ASAP3: variants seen among roughly 807,000 people sequenced by gnomAD.
ASAP3 encodes the protein arf-GAP with SH3 domain, ANK repeat and PH domain-containing protein 3.
ASAP3 carries 85 observed loss-of-function variants against 118.2 expected under a neutral mutation model. The ratio of observed to expected loss-of-function variants is 0.72; its 90% CI spans 0.60 to 0.86. ASAP3 has a LOEUF of 0.86. ASAP3 is among the 40% of genes least tolerant of loss of function. ASAP3 has a pLI of 0.00. For synonymous variants in ASAP3, 432 were observed against 477.4 expected (o/e 0.90, Z 1.24); for missense variants, 1,026 against 1,175.0 (o/e 0.87, Z 1.85).
At position 23,436,932 on chromosome 1, in the gene ASAP3, C is replaced by CAGGT; in HGVS notation, c.1451_1454dup (p.Leu486ProfsTer20). 6.2e-7 allele frequency: 1 copy of CAGGT among 1,612,164 alleles called. No individual in the cohort carries two copies. The highest frequency in any genetic ancestry group is 8.5e-7 in the Non-Finnish European group (1 of 1,179,744). ...TCACCAACAACTCGGAGGGGCCCAG[C>CAGGT]AGGTCCAAGGTGAGTGACTGCATGC... is the stretch of plus-strand genomic sequence containing the variant. On this transcript the variant is annotated frameshift_variant, in exon 15 of 25. Coordinates refer to ENST00000336689, the MANE Select transcript of ASAP3 (RefSeq NM_017707.4). LOFTEE classifies it high-confidence loss of function. The surrounding 1 kb of genome is among the most constrained non-coding windows in gnomAD (Gnocchi z 4.2).
In ASAP3 at chr1:23,436,729, C is replaced by G; in HGVS notation, c.1477-75G>C. ...AGCCTGCATAGGGTGGAGCTCCAAG[C>G]CCCCAGAGTCCCGCCCCTCGGCCGC... On this transcript the variant is annotated intron_variant, in intron 15 of 24. Transcript: ENST00000336689. This position sits in a 1 kb window ranked among gnomAD's most constrained non-coding sequence, Gnocchi z 4.2. 1.3e-6 allele frequency: 2 copies of G among 1,582,374 alleles called. No individual in the cohort carries two copies. Among genetic ancestry groups the G allele is most frequent in the Non-Finnish European group, 1.7e-6 (2 of 1,154,948 alleles).
In ASAP3 at chr1:23,431,040, C is replaced by G; in HGVS notation, c.2632G>C (p.Val878Leu). 6.3e-7 allele frequency: 1 copy of G among 1,581,434 alleles called. No individual in the cohort carries two copies. The highest frequency in any genetic ancestry group is 8.6e-7 in the Non-Finnish European group (1 of 1,165,444). The change falls in exon 24 of 25, where the codon GTG becomes CTG. Residue 878 changes from valine (V) to leucine (L), a missense_variant. Coordinates refer to ENST00000336689, the MANE Select transcript of ASAP3 (RefSeq NM_017707.4). ...CATGGTCCCAGAGTTCCTACCGGCACGTTCCTTCTGGGCAGAGGCTGCCTG... is the reference window on the plus strand; with the variant it reads ...CATGGTCCCAGAGTTCCTACCGGCAGGTTCCTTCTGGGCAGAGGCTGCCTG... ...SARQPLPRRN[V>L]PVGITEGDGS... is the part of the protein sequence containing the mutation.
intron 4 of ASAP3, 37 bp downstream of exon 4, chr1:23,452,660 A>T: frequency 2.5e-6 from 4 of 1,579,944 alleles, no homozygotes; most frequent in South Asian, 1.1e-5. Flanking sequence ...CCCCTCTTTT[A>T]CTCTGTCCCA....
intron 1 of ASAP3, among the ~76,000 whole-genome samples, chr1:23,460,042 A>C (rs1196722741): frequency 6.6e-6 from 1 of 152,238 alleles, no homozygotes; most frequent in Non-Finnish European, 1.5e-5. Flanking sequence ...CTTACAAAGA[A>C]GGGAGATAAC....
chr1:23,460,447 C>CTAT (rs1641545567), intron 1 of ASAP3, among the ~76,000 whole-genome samples: 1 of 142,766 alleles, frequency 7.0e-6, no homozygotes, highest in Non-Finnish European at 1.5e-5. Flanking sequence ...GCGGAGGTTG[C>CTAT]AGTGAGCTGA....
At chr1:23,470,172 C>T (rs762373889) in intron 1 of ASAP3, among the ~76,000 whole-genome samples, 6 of 152,142 alleles carry the variant, frequency 3.9e-5, no homozygotes, top group Non-Finnish European at 8.8e-5. Context: ...CTCATCTGTC[C>T]AATTTTGAGC....
rs202046272 is a variant in ASAP3, at chr1:23,455,302, C to T, written c.348+579G>A. 1.1e-4 allele frequency among the ~76,000 whole-genome samples: 16 copies of T among 152,306 alleles called. No homozygotes were observed. In the East Asian group the frequency reaches 3.1e-3, roughly 29 times the overall value. ...CTGCACATGGGAAGAGCTGCTGTCA[C>T]AGGGTGGCCTTGAGGAAAGGACTTG... On this transcript the variant is annotated intron_variant, in intron 3 of 24. Transcript: ENST00000336689.
At chr1:23,469,611 A>G (rs374557710) in intron 1 of ASAP3, among the ~76,000 whole-genome samples, 1 of 152,204 alleles carries the variant, frequency 6.6e-6, no homozygotes, top group Non-Finnish European at 1.5e-5. Flanking sequence ...AAGGACTCCC[A>G]TTCCAAGCTC....
chr1:23,431,885 G>A lies in ASAP3; in HGVS notation c.2357C>T (p.Ala786Val), dbSNP rs1219616113. The A allele has an allele frequency of 3.0e-5, 48 of 1,609,346 alleles. No individual in the cohort carries two copies. The Admixed American group carries it at 8.0e-4, about 27-fold the overall frequency. Residue 786 changes from alanine to valine, a missense_variant, in exon 23 of 25, where the codon GCC (alanine) becomes GTC (valine). Physicochemically the swap from Ala to Val is moderately conservative, Grantham distance 64 (BLOSUM62 0). Coordinates refer to ENST00000336689, the MANE Select transcript of ASAP3 (RefSeq NM_017707.4). ...GCCCAGGCTCTCAGGGGTCTCAGGG[G>A]CCTCTGAACTCAGGCTGGAGACTTC... ...RSEVSSLSSEAPETPESLGSP... is the reference protein window; with the variant it reads ...RSEVSSLSSEVPETPESLGSP...
chr1:23,433,017 A>G (rs1640493870), intron 22 of ASAP3, 60 bp downstream of exon 22: 3 of 1,594,570 alleles, frequency 1.9e-6, no homozygotes, highest in Non-Finnish European at 2.6e-6. Context: ...TCAGTGCCCC[A>G]GCATATACAG....
chr1:23,431,643 G>A, intron 23 of ASAP3, 53 bp downstream of exon 23: 1 of 1,462,502 alleles, frequency 6.8e-7, no homozygotes, highest in Non-Finnish European at 9.2e-7. Flanking sequence ...ATCAATGGAT[G>A]CTCAGAGAAG....
In ASAP3 at chr1:23,441,164, C is replaced by A; in HGVS notation, c.882G>T (p.Gln294His). The stretch of plus-strand genomic sequence containing the variant: ...TCCCAAACTGCTTGTTGCCTTGGTG[C>A]TGGTGGATGCTATAGCCACATCCTG... ...KNSGCGYSIH[Q>H]HQGNKQFGTE... Residue 294 changes from glutamine to histidine, a missense_variant, in exon 10 of 25, where the codon CAG becomes CAT. Coordinates refer to ENST00000336689, the MANE Select transcript of ASAP3 (RefSeq NM_017707.4). The A allele has an allele frequency of 6.2e-7, 1 of 1,614,224 alleles. No individual in the cohort carries two copies.
At chr1:23,450,574 T>A (rs1162640734) in intron 5 of ASAP3, among the ~76,000 whole-genome samples, 1 of 151,756 alleles carries the variant, frequency 6.6e-6, no homozygotes, top group Non-Finnish European at 1.5e-5. Context: ...CTTTTTTTTT[T>A]AATGATGAAA....
intron 1 of ASAP3, among the ~76,000 whole-genome samples, chr1:23,456,830 C>T (rs530679076): frequency 9.2e-5 from 14 of 152,238 alleles, no homozygotes; most frequent in Admixed American, 2.6e-4. Flanking sequence ...TTACCTGAGT[C>T]TGGGGAGATG....
intron 1 of ASAP3, among the ~76,000 whole-genome samples, chr1:23,469,737 T>C (rs72867729): frequency 0.016 from 2,392 of 152,306 alleles, 70 homozygotes; most frequent in African/African-American, 0.054. Context: ...CCAACAACTC[T>C]GTGAGGTAGT....
chr1:23,448,871 T>C (rs1187196885), intron 5 of ASAP3, among the ~76,000 whole-genome samples: 1 of 152,144 alleles, frequency 6.6e-6, no homozygotes, highest in East Asian at 1.9e-4. Flanking sequence ...GATAAGTCAT[T>C]TGTCCAAGTC....
Position 23,436,312 on chromosome 1 carries a change from G to A in ASAP3, c.1571+248C>T, listed in dbSNP as rs1640651532. ...TGAGTAGCTGGAATTACAGGCGTGT[G>A]CCACCACGCCCAGCTAATTCTTGTA... On this transcript the variant is annotated intron_variant, in intron 16 of 24. Transcript: ENST00000336689. The surrounding 1 kb of genome is among the most constrained non-coding windows in gnomAD (Gnocchi z 4.2). Among the ~76,000 whole-genome samples the A allele has an allele frequency of 6.6e-6, 1 of 152,226 alleles. No individual in the cohort carries two copies. Among genetic ancestry groups the A allele is most frequent in the South Asian group, 2.1e-4 (1 of 4,830 alleles).
intron 1 of ASAP3, among the ~76,000 whole-genome samples, chr1:23,471,047 C>A (rs147155437): frequency 6.6e-6 from 1 of 152,244 alleles, no homozygotes; most frequent in African/African-American, 2.4e-5. Context: ...GAGCAGCAAA[C>A]AGTACTTCCC....
At chr1:23,441,289 A>G in intron 9 of ASAP3, 78 bp from the exon 10 acceptor site, 2 of 1,604,038 alleles carry the variant, frequency 1.2e-6, no homozygotes, top group Non-Finnish European at 8.5e-7. Context: ...TCACTCAGGG[A>G]GACTTCTCCA....
Sources: gnomAD v4.1 joint callset for allele counts (sites outside exome capture counted in the v4.1 genomes callset) on GRCh38, gnomAD v4.1.1 for gene constraint, Gnocchi (gnomAD v3.1) non-coding constraint, MANE v1.5 for transcripts, NCBI Gene and HGNC (gene_info 2026-07-23, HGNC 2026-07-21) for gene names.